Variants in TMEM135 observed in about 807,000 individuals in gnomAD.
TMEM135 encodes the protein transmembrane protein 135, also known as peroxisomal membrane protein 52.
TMEM135 carries 30 observed loss-of-function variants against 60.3 expected under a neutral mutation model. The observed-to-expected ratio is 0.50, with a 90% CI of 0.37 to 0.68. The LOEUF (loss-of-function observed/expected upper bound fraction) is 0.68, where lower values mean the gene tolerates loss of function less well. Among genes scored for constraint, TMEM135 ranks in the 30% least tolerant of loss-of-function variants. The probability of loss-of-function intolerance (pLI) is 0.00; values close to 1 mark genes in which losing one functional copy is unlikely to be tolerated. For synonymous variants in TMEM135, 190 were observed against 186.7 expected (o/e 1.02, Z -0.14); for missense variants, 468 against 548.8 (o/e 0.85, Z 1.47).
chr11:87,068,816 A>AG (rs1856718112), intron 2 of TMEM135, among the ~76,000 whole-genome samples: 2 of 151,996 alleles, frequency 1.3e-5, no homozygotes, highest in African/African-American at 4.8e-5. Flanking sequence ...CTCAAAAAAA[A>AG]AAAAAAAAAG....
chr11:87,231,664 T>C (rs1184027760), intron 5 of TMEM135, among the ~76,000 whole-genome samples: 2 of 152,104 alleles, frequency 1.3e-5, no homozygotes, highest in Non-Finnish European at 2.9e-5. Flanking sequence ...AATGAAGAGA[T>C]AAATCAGCAA....
chr11:87,142,754 C>G (rs1402019408), intron 4 of TMEM135, among the ~76,000 whole-genome samples: 1 of 151,734 alleles, frequency 6.6e-6, no homozygotes, highest in Non-Finnish European at 1.5e-5. Context: ...CTCTTGTCCT[C>G]TTTTTTTCCC....
intron 4 of TMEM135, chr11:87,096,227 G>T: frequency 3.4e-6 from 1 of 291,946 alleles, no homozygotes; most frequent in South Asian, 4.0e-5. Flanking sequence ...CCTTATTGAT[G>T]TCTGCAGATA....
chr11:87,278,936 C>A (rs1265764590), intron 6 of TMEM135, among the ~76,000 whole-genome samples: 1 of 152,124 alleles, frequency 6.6e-6, no homozygotes, highest in Non-Finnish European at 1.5e-5. Context: ...GAATTTCACA[C>A]CAGTGGAATC....
intron 5 of TMEM135, among the ~76,000 whole-genome samples, chr11:87,179,395 T>A (rs1939459949): frequency 6.6e-6 from 1 of 151,044 alleles, no homozygotes; most frequent in South Asian, 2.1e-4. Flanking sequence ...TTCCATTCAT[T>A]AATTTTTTTT....
intron 5 of TMEM135, among the ~76,000 whole-genome samples, chr11:87,208,103 G>T (rs301592): frequency 0.96 from 146,243 of 152,288 alleles, 70,283 homozygotes; most frequent in East Asian, 1. Context: ...CTTCAAAGGG[G>T]AAAGGAACAT....
intron 6 of TMEM135, among the ~76,000 whole-genome samples, chr11:87,294,394 G>T (rs2135432829): frequency 6.6e-6 from 1 of 152,250 alleles, no homozygotes; most frequent in Non-Finnish European, 1.5e-5. Context: ...CTTACTCTTT[G>T]TTTTTTGAGA....
chr11:87,266,234 A>G (rs994126709), intron 6 of TMEM135, among the ~76,000 whole-genome samples: 6 of 152,002 alleles, frequency 3.9e-5, no homozygotes, highest in Non-Finnish European at 8.8e-5. Flanking sequence ...CATGTTCTCC[A>G]CCCCTAAGTC....
intron 1 of TMEM135, among the ~76,000 whole-genome samples, chr11:87,053,909 T>G (rs1316454327): frequency 6.6e-6 from 1 of 152,210 alleles, no homozygotes; most frequent in Admixed American, 6.5e-5. Context: ...GATTTGTGTA[T>G]TTTTTCCTTC....
At chr11:87,216,382 C>T (rs1000869906) in intron 5 of TMEM135, among the ~76,000 whole-genome samples, 2 of 151,870 alleles carry the variant, frequency 1.3e-5, no homozygotes, top group African/African-American at 4.8e-5. Context: ...GAAGCAAGTG[C>T]AGGGGAGAGG....
intron 6 of TMEM135, among the ~76,000 whole-genome samples, chr11:87,256,403 GA>G (rs1381626196): frequency 5.9e-5 from 9 of 152,258 alleles, no homozygotes; most frequent in African/African-American, 1.9e-4. Context: ...GGTTCGCTAT[GA>G]AAAGATGAAA....
chr11:87,185,257 T>A, intron 5 of TMEM135, among the ~76,000 whole-genome samples: 1 of 152,174 alleles, frequency 6.6e-6, no homozygotes, highest in East Asian at 1.9e-4. Context: ...GTCACCTCTC[T>A]CTCATTTGTT....
At chr11:87,276,530 A>G (rs1941969294) in intron 6 of TMEM135, among the ~76,000 whole-genome samples, 1 of 151,674 alleles carries the variant, frequency 6.6e-6, no homozygotes, top group Non-Finnish European at 1.5e-5. Flanking sequence ...ATACACACAC[A>G]TATATACTTA....
intron 4 of TMEM135, among the ~76,000 whole-genome samples, chr11:87,105,948 C>T (rs1270190757): frequency 1.3e-5 from 2 of 152,160 alleles, no homozygotes; most frequent in African/African-American, 4.8e-5. Flanking sequence ...TACACAGCTT[C>T]TGGTATTTAT....
chr11:87,057,541 C>T (rs1949905087), intron 1 of TMEM135, among the ~76,000 whole-genome samples: 1 of 152,110 alleles, frequency 6.6e-6, no homozygotes, highest in African/African-American at 2.4e-5. Context: ...GCGATTTCTT[C>T]ATTTATAAGT....
chr11:87,168,231 TTTG>T (rs1345461067), intron 5 of TMEM135, among the ~76,000 whole-genome samples: 1 of 151,662 alleles, frequency 6.6e-6, no homozygotes, highest in African/African-American at 2.4e-5. Flanking sequence ...TCTGGTCTAT[TTTG>T]TTAATCTTGT....
At chr11:87,250,344 C>T (rs985144030) in intron 6 of TMEM135, among the ~76,000 whole-genome samples, 7 of 151,914 alleles carry the variant, frequency 4.6e-5, no homozygotes, top group African/African-American at 1.7e-4. Flanking sequence ...TTGGTTTGCT[C>T]TTGCTTTTCT....
intron 11 of TMEM135, among the ~76,000 whole-genome samples, chr11:87,314,208 T>C (rs1004609375): frequency 3.3e-5 from 5 of 151,870 alleles, no homozygotes; most frequent in African/African-American, 1.2e-4. Context: ...CACTCCTCTT[T>C]AAAGTTAAAA....
chr11:87,293,696 C>G (rs1398434412), intron 6 of TMEM135, among the ~76,000 whole-genome samples: 1 of 152,114 alleles, frequency 6.6e-6, no homozygotes, highest in Non-Finnish European at 1.5e-5. Context: ...GATCTCATTC[C>G]TTTTTATGGC....
Sources: gnomAD v4.1 joint callset for allele counts (sites outside exome capture counted in the v4.1 genomes callset) on GRCh38, gnomAD v4.1.1 for gene constraint, MANE v1.5 for transcripts, NCBI Gene and HGNC (gene_info 2026-07-23, HGNC 2026-07-21) for gene names.